The following FRAS1 variants were observed in gnomAD, a reference collection of about 807,000 sequenced individuals.
The protein encoded by FRAS1 is extracellular matrix organizing protein FRAS1.
FRAS1 carries 290 observed loss-of-function variants against 435.2 expected under a neutral mutation model. That is an observed-to-expected ratio of 0.67 (90% CI 0.61 to 0.73). FRAS1 has a LOEUF of 0.73. Among genes scored for constraint, FRAS1 ranks in the 30% least tolerant of loss-of-function variants. The pLI, the probability that FRAS1 is intolerant of heterozygous loss-of-function variation, is 0.00. For synonymous variants in FRAS1, 1,800 were observed against 1,851.0 expected, an observed-to-expected ratio of 0.97 and a Z score of 0.71; for missense variants, 4,860 against 5,001.5, an observed-to-expected ratio of 0.97 and a Z score of 0.85.
chr4:78,172,721 A>T (rs1721609685), intron 2 of FRAS1, among the ~76,000 whole-genome samples: 1 of 152,056 alleles, frequency 6.6e-6, no homozygotes, highest in Non-Finnish European at 1.5e-5. Flanking sequence ...ATTTTACAAT[A>T]ATACTAAGCT....
At chr4:78,503,074 C>T (rs1211834838) in intron 61 of FRAS1, among the ~76,000 whole-genome samples, 4 of 152,094 alleles carry the variant, frequency 2.6e-5, no homozygotes, top group East Asian at 1.9e-4. Flanking sequence ...CCAACATGAT[C>T]GTGGTGGATA....
chr4:78,093,404 A>G lies in FRAS1; in HGVS notation c.108+27388A>G, dbSNP rs190553565. On this transcript the variant is annotated intron_variant, in intron 2 of 73. Transcript: ENST00000512123. ...GTGAATCTCTATTTTTACAGCTGCT[A>G]TGACTAAGGCATGTTGCTTACATTG... 1.8e-3 allele frequency among the ~76,000 whole-genome samples: 273 copies of G among 152,344 alleles called. 1 individual carries two copies. The highest frequency in any genetic ancestry group is 6.3e-3 in the African/African-American group (261 of 41,582).
intron 2 of FRAS1, among the ~76,000 whole-genome samples, chr4:78,170,725 C>A (rs1407153864): frequency 1.3e-5 from 2 of 151,932 alleles, no homozygotes; most frequent in Non-Finnish European, 2.9e-5. Context: ...ATAGTGATAA[C>A]TGATGATCAG....
chr4:78,438,880 G>C (rs1383340574), intron 39 of FRAS1, 22 bp from the exon 40 acceptor site: 1 of 1,586,836 alleles, frequency 6.3e-7, no homozygotes, highest in African/African-American at 1.4e-5. Context: ...TTATTCATTT[G>C]ATTCTTTTTG....
rs182818173 is a variant in FRAS1 at position 78,160,618 on chromosome 4, G to A, written c.109-76892G>A. Reference sequence around the variant, plus strand: ...TTCCTAACTAGATCACTAAATTAAAGGTAGACAAAGTGGTAGAATTTTAAT... The same window carrying A: ...TTCCTAACTAGATCACTAAATTAAAAGTAGACAAAGTGGTAGAATTTTAAT... On this transcript the variant is annotated intron_variant, in intron 2 of 73. Coordinates refer to ENST00000512123, the MANE Select transcript of FRAS1 (RefSeq NM_025074.7). Among the ~76,000 whole-genome samples, 650 of 152,132 alleles carry A rather than the reference G, an allele frequency of 4.3e-3. 4 individuals carry two copies. Among genetic ancestry groups the A allele is most frequent in the Non-Finnish European group, 7.5e-3 (507 of 67,994 alleles).
intron 70 of FRAS1, among the ~76,000 whole-genome samples, chr4:78,528,480 T>G (rs10033137): frequency 0.38 from 58,009 of 151,964 alleles, 11,337 homozygotes; most frequent in South Asian, 0.54. Flanking sequence ...GGATAAGTTT[T>G]CTTTTTTTAG....
chr4:78,159,469 G>A (rs1721044282), intron 2 of FRAS1, among the ~76,000 whole-genome samples: 1 of 152,204 alleles, frequency 6.6e-6, no homozygotes, highest in East Asian at 1.9e-4. Context: ...AATTGTAGGG[G>A]ATGCTAGAGA....
chr4:78,296,014 A>G (rs1237249765), intron 14 of FRAS1, among the ~76,000 whole-genome samples: 1 of 151,834 alleles, frequency 6.6e-6, no homozygotes, highest in Admixed American at 6.6e-5. Context: ...TGGCCTCCCA[A>G]ACTGCTGGGA....
chr4:78,269,377 T>C (rs2110158706), intron 9 of FRAS1, among the ~76,000 whole-genome samples: 1 of 152,360 alleles, frequency 6.6e-6, no homozygotes, highest in South Asian at 2.1e-4. Flanking sequence ...TTTGATATTT[T>C]TATTCAGTTC....
chr4:78,412,949 C>G lies in FRAS1; in HGVS notation c.4309-20C>G. On this transcript the variant is annotated intron_variant, in intron 31 of 73. Coordinates refer to ENST00000512123, the MANE Select transcript of FRAS1 (RefSeq NM_025074.7). ...GCTCAATAGAAGATGAGAGGCTCAC[C>G]AGGATGACTTTCTTTTCAGGTGTCC... 4.6e-6 allele frequency: 7 copies of G among 1,518,432 alleles called. No homozygotes were observed. Among genetic ancestry groups the G allele is most frequent in the Non-Finnish European group, 5.4e-6 (6 of 1,108,644 alleles). 94.1% of individuals were successfully genotyped at this position (1,518,432 alleles called of 1,614,324 possible). A position where few individuals can be genotyped will look rare whatever the true frequency, so the allele number is the denominator to read the frequency against.
At chr4:78,473,959 A>G (rs1043556251) in intron 53 of FRAS1, among the ~76,000 whole-genome samples, 1 of 152,226 alleles carries the variant, frequency 6.6e-6, no homozygotes, top group African/African-American at 2.4e-5. Context: ...GATGTGCTCT[A>G]CTGCTGCTCA....
intron 2 of FRAS1, among the ~76,000 whole-genome samples, chr4:78,118,137 G>T (rs937454995): frequency 6.6e-6 from 1 of 152,236 alleles, no homozygotes; most frequent in Admixed American, 6.5e-5. Context: ...GGAGCCTGCA[G>T]AACAGCAGAT....
intron 2 of FRAS1, among the ~76,000 whole-genome samples, chr4:78,116,429 G>T (rs1163207349): frequency 1.3e-5 from 2 of 152,258 alleles, no homozygotes; most frequent in South Asian, 2.1e-4. Flanking sequence ...TGACAGTGGG[G>T]TGTTAAAGTT....
intron 72 of FRAS1, among the ~76,000 whole-genome samples, chr4:78,537,988 G>C (rs951944019): frequency 9.3e-5 from 14 of 150,030 alleles, no homozygotes; most frequent in Admixed American, 1.3e-4. Flanking sequence ...GTTTGAAAAA[G>C]CTATTAACTA....
chr4:78,126,537 C>T (rs928574242), intron 2 of FRAS1, among the ~76,000 whole-genome samples: 2 of 152,154 alleles, frequency 1.3e-5, no homozygotes, highest in Admixed American at 6.5e-5. Flanking sequence ...ATCTTGGAAG[C>T]GAACATATAG....
chr4:78,340,490 A>G (rs1447752884), intron 20 of FRAS1, among the ~76,000 whole-genome samples: 1 of 152,148 alleles, frequency 6.6e-6, no homozygotes, highest in Admixed American at 6.5e-5. Flanking sequence ...CAATGCATTC[A>G]CTCATGTACA....
At position 78,287,593 on chromosome 4, in the gene FRAS1, G is replaced by A. The variant is rs143288090; in HGVS notation, c.1534+1054G>A. Among the ~76,000 whole-genome samples the A allele has an allele frequency of 5.7e-3, 875 of 152,210 alleles. 9 individuals carry two copies. The highest frequency in any genetic ancestry group is 0.02 in the African/African-American group (824 of 41,546). ...AATCAGAAGGTGAGCCAATCTGAGG[G>A]GCAGCTGATATGCTCCTTTCTTTCA... On this transcript the variant is annotated intron_variant, in intron 14 of 73. Transcript: ENST00000512123.
chr4:78,454,514 G>A (rs1437605762), intron 47 of FRAS1, among the ~76,000 whole-genome samples: 3 of 152,190 alleles, frequency 2.0e-5, no homozygotes, highest in Non-Finnish European at 4.4e-5. Context: ...GTAAGTTCCT[G>A]GGATAAGTTT....
At position 78,106,102 on chromosome 4, in the gene FRAS1, C is replaced by A. The variant is rs1742415956; in HGVS notation, c.108+40086C>A. Among the ~76,000 whole-genome samples the A allele has an allele frequency of 1.7e-5, 2 of 118,288 alleles. 1 individual carries two copies. The highest frequency in any genetic ancestry group is 6.6e-5 in the African/African-American group (2 of 30,488). 77.6% of individuals were successfully genotyped at this position (118,288 alleles called of 152,430 possible). A position where few individuals can be genotyped will look rare whatever the true frequency, so the allele number is the denominator to read the frequency against. ...CACCTGGCTCAGAGGGTCCTATGCC[C>A]ACGGAATCTCGCTGATTGCTAGCAC... On this transcript the variant is annotated intron_variant, in intron 2 of 73. Coordinates refer to ENST00000512123, the MANE Select transcript of FRAS1 (RefSeq NM_025074.7).
Sources: gnomAD v4.1 joint callset for allele counts (sites outside exome capture counted in the v4.1 genomes callset) on GRCh38, gnomAD v4.1.1 for gene constraint, MANE v1.5 for transcripts, NCBI Gene and HGNC (gene_info 2026-07-23, HGNC 2026-07-21) for gene names.